Variants in ZNF264 observed in about 807,000 individuals in gnomAD.
ZNF264 encodes the protein zinc finger protein 264.
ZNF264 carries 11 observed loss-of-function variants against 11.2 expected under a neutral mutation model. That is an observed-to-expected ratio of 0.98 (90% CI 0.62 to 1.63). The LOEUF (loss-of-function observed/expected upper bound fraction) is 1.63, where lower values mean the gene tolerates loss of function less well. ZNF264 is among the 40% of genes most tolerant of loss of function. The pLI is 0.00. For missense variants in ZNF264, 752 were observed against 768.1 expected, an observed-to-expected ratio of 0.98 and a Z score of 0.25; for synonymous variants, 309 against 279.8, an observed-to-expected ratio of 1.10 and a Z score of -1.04.
chr19:57,194,910 T>G, intron 2 of ZNF264: 1 of 399,430 alleles, frequency 2.5e-6, no homozygotes, highest in Non-Finnish European at 4.4e-6. Flanking sequence ...GGAAGTATTA[T>G]TGTATTGATC....
At chr19:57,196,222 A>G (rs111822400) in intron 2 of ZNF264, among the ~76,000 whole-genome samples, 3 of 152,058 alleles carry the variant, frequency 2.0e-5, no homozygotes, top group African/African-American at 7.3e-5. Context: ...TTAGCCATAA[A>G]GTGAGTGCCT....
At chr19:57,195,707 T>C (rs2087207064) in intron 2 of ZNF264, among the ~76,000 whole-genome samples, 1 of 151,884 alleles carries the variant, frequency 6.6e-6, no homozygotes, top group South Asian at 2.1e-4. Flanking sequence ...TTCATCTTGA[T>C]AGTCTGGGTC....
At chr19:57,197,765 A>G in intron 2 of ZNF264, among the ~76,000 whole-genome samples, 1 of 151,946 alleles carries the variant, frequency 6.6e-6, no homozygotes, top group Non-Finnish European at 1.5e-5. Context: ...AAATGCAGCA[A>G]CTTACTCTTC....
At chr19:57,205,224 T>G (rs1190073324) in intron 2 of ZNF264, among the ~76,000 whole-genome samples, 173 bp from the exon 3 acceptor site, 1 of 152,224 alleles carries the variant, frequency 6.6e-6, no homozygotes, top group African/African-American at 2.4e-5. Context: ...CATAATGCAT[T>G]TATGTAATTA....
Position 57,202,209 on chromosome 19 carries a change from C to CA in ZNF264, c.161-3180dup, listed in dbSNP as rs1289815408. Among the ~76,000 whole-genome samples, 5 of 150,998 alleles carry CA rather than the reference C, an allele frequency of 3.3e-5. No individual in the cohort carries two copies. In the South Asian group the frequency reaches 8.4e-4, roughly 25 times the overall value. On this transcript the variant is annotated intron_variant, in intron 2 of 3. Transcript: ENST00000263095. ...TGGGCGACAGAGTGAGACCCTGTCTCAAAAAAAAGCAAATTTGTACCCATG... is the reference window on the plus strand; with the variant it reads ...TGGGCGACAGAGTGAGACCCTGTCTCAAAAAAAAAGCAAATTTGTACCCATG...
At chr19:57,204,770 C>T (rs532143335) in intron 2 of ZNF264, among the ~76,000 whole-genome samples, 9 of 152,312 alleles carry the variant, frequency 5.9e-5, no homozygotes, top group African/African-American at 2.2e-4. Flanking sequence ...GCCATCAGTA[C>T]TGTTATTGTC....
Position 57,211,697 on chromosome 19 carries a change from A to G in ZNF264, c.600A>G (p.Glu200=). ...SGKDPMIQEE[E]NNFKCSECGK... ...AAGATCCCATGATTCAGGAAGAGGA[A>G]AATAACTTTAAATGCAGTGAATGTG... is the stretch of plus-strand genomic sequence containing the variant. Residue 200 remains glutamate, a synonymous_variant, in exon 4 of 4, where the codon GAA becomes GAG. Coordinates refer to ENST00000263095, the MANE Select transcript of ZNF264 (RefSeq NM_003417.5). 6.2e-7 allele frequency: 1 copy of G among 1,614,184 alleles called. No individual in the cohort carries two copies. The highest frequency in any genetic ancestry group is 1.1e-5 in the South Asian group (1 of 91,086).
chr19:57,204,235 A>AT (rs2087275098), intron 2 of ZNF264, among the ~76,000 whole-genome samples: 1 of 151,490 alleles, frequency 6.6e-6, no homozygotes, highest in African/African-American at 2.4e-5. Context: ...AAAAAAAAAA[A>AT]CTGTGTGGCC....
At position 57,219,291 on chromosome 19, in the gene ZNF264, C is replaced by G. The variant is rs1277172623; in HGVS notation, c.*6310C>G. 6.6e-6 allele frequency: 1 copy of G among 152,192 alleles called. No individual in the cohort carries two copies. Among genetic ancestry groups the G allele is most frequent in the Non-Finnish European group, 1.5e-5 (1 of 68,040 alleles). 9.4% of individuals were successfully genotyped at this position (152,192 alleles called of 1,614,324 possible). A position where few individuals can be genotyped will look rare whatever the true frequency, so the allele number is the denominator to read the frequency against. On this transcript the variant is annotated 3_prime_UTR_variant, in exon 4 of 4. Transcript: ENST00000263095. ...CCTCCTGCCCAGTCTTTTTTAGGCT[C>G]TCTGTCATACTTCCTCGCCTAGTCT...
intron 1 of ZNF264, chr19:57,193,392 C>A: frequency 1.9e-6 from 1 of 525,078 alleles, no homozygotes; most frequent in Non-Finnish European, 2.4e-6. Flanking sequence ...GAAATCAAGG[C>A]TCAGAGAAAT....
rs2087417155 is a variant in ZNF264, at chr19:57,221,541, A to C, written c.*8560A>C. ...GCAAATAGTAAAGGGAAAAAGCCAA[A>C]ATTCAGAGAAAACCAGGCACAATCT... On this transcript the variant is annotated 3_prime_UTR_variant, in exon 4 of 4. Transcript: ENST00000263095. The C allele has an allele frequency of 6.6e-6, 1 of 152,218 alleles. No individual in the cohort carries two copies. The highest frequency in any genetic ancestry group is 2.4e-5 in the African/African-American group (1 of 41,442). 9.4% of individuals were successfully genotyped at this position (152,218 alleles called of 1,614,324 possible).
At chr19:57,197,071 C>G (rs2087217091) in intron 2 of ZNF264, among the ~76,000 whole-genome samples, 1 of 151,892 alleles carries the variant, frequency 6.6e-6, no homozygotes, top group Non-Finnish European at 1.5e-5. Flanking sequence ...ATCTGTGAAC[C>G]AGGCCCTAGT....
In ZNF264 at chr19:57,211,640, A is replaced by G. The variant is rs575690280; in HGVS notation, c.543A>G (p.Arg181=). Reference sequence around the variant, plus strand: ...AGGAGCAAGTCTCTCCAGGAGATAGAGTCCGTAGCCATAACTCATGTGAGT... The same window carrying G: ...AGGAGCAAGTCTCTCCAGGAGATAGGGTCCGTAGCCATAACTCATGTGAGT... ...IGQEQVSPGD[R]VRSHNSCESG... Residue 181 remains arginine (R), a synonymous_variant, in exon 4 of 4, where the codon AGA becomes AGG. Transcript: ENST00000263095. The G allele has an allele frequency of 1.2e-6, 2 of 1,614,188 alleles. No individual in the cohort carries two copies. The highest frequency in any genetic ancestry group is 2.2e-5 in the South Asian group (2 of 91,078).
chr19:57,200,939 A>G (rs1204696421), intron 2 of ZNF264, among the ~76,000 whole-genome samples: 1 of 151,854 alleles, frequency 6.6e-6, no homozygotes, highest in Non-Finnish European at 1.5e-5. Context: ...AATTTTTTTT[A>G]TACATTTGTT....
intron 2 of ZNF264, among the ~76,000 whole-genome samples, chr19:57,194,369 T>A (rs2087197022): frequency 6.6e-6 from 1 of 152,208 alleles, no homozygotes; most frequent in African/African-American, 2.4e-5. Flanking sequence ...CTATGGCTTT[T>A]TCTGCCTTAG....
In ZNF264 at chr19:57,205,452, A is replaced by T. The variant is rs1262975198; in HGVS notation, c.216A>T (p.Pro72=). Reference sequence around the variant, plus strand: ...GCCACCTAGAGCATGGGCAGGAGCCATGGACCAGGAAGGAAGACCTCTCCC... The same window carrying T: ...GCCACCTAGAGCATGGGCAGGAGCCTTGGACCAGGAAGGAAGACCTCTCCC... ...LICHLEHGQE[P]WTRKEDLSQD... is the part of the protein sequence containing the mutation. Residue 72 remains proline (P), a synonymous_variant, in exon 3 of 4, where the codon CCA becomes CCT. Coordinates refer to ENST00000263095, the MANE Select transcript of ZNF264 (RefSeq NM_003417.5). 1 of 1,612,390 alleles carries T rather than the reference A, an allele frequency of 6.2e-7. No individual in the cohort carries two copies. The highest frequency in any genetic ancestry group is 1.3e-5 in the African/African-American group (1 of 74,920).
At chr19:57,205,613 T>C in intron 3 of ZNF264, 121 bp downstream of exon 3, 1 of 858,550 alleles carries the variant, frequency 1.2e-6, no homozygotes, top group East Asian at 2.7e-5. Context: ...AACTCTTATA[T>C]AACTCTATCA....
Position 57,212,289 on chromosome 19 carries a change from C to G in ZNF264, c.1192C>G (p.Pro398Ala), listed in dbSNP as rs150879229. Residue 398 changes from proline (P) to alanine (A), a missense_variant, in exon 4 of 4, where the codon CCC becomes GCC. Pro to Ala is a conservative substitution (Grantham distance 27). Transcript: ENST00000263095. ...HHYVIHTGEK[P>A]FECLECGKAF... ...CTATGTCATCCACACTGGAGAGAAG[C>G]CCTTTGAGTGCCTCGAGTGTGGGAA... 1 of 1,614,070 alleles carries G rather than the reference C, an allele frequency of 6.2e-7. No homozygotes were observed. The highest frequency in any genetic ancestry group is 8.5e-7 in the Non-Finnish European group (1 of 1,180,018).
At chr19:57,193,024 C>T (rs1340654716) in intron 1 of ZNF264, among the ~76,000 whole-genome samples, 2 of 152,056 alleles carry the variant, frequency 1.3e-5, no homozygotes. Flanking sequence ...AGCCACCATG[C>T]CCGGCCCACA....
Sources: allele counts gnomAD v4.1 joint callset (sites outside exome capture counted in the v4.1 genomes callset), GRCh38; gene constraint gnomAD v4.1.1; transcripts MANE v1.5; gene names NCBI Gene and HGNC (gene_info 2026-07-23, HGNC 2026-07-21).